Variants in MARF1 observed in about 807,000 individuals in gnomAD.
MARF1 encodes the protein meiosis regulator and mRNA stability factor 1.
Under a neutral mutation model 168.2 loss-of-function variants are expected in MARF1, and 24 were observed. The observed-to-expected ratio is 0.14, with a 90% CI of 0.10 to 0.20. The LOEUF (loss-of-function observed/expected upper bound fraction) is 0.20. MARF1 is among the 10% of genes least tolerant of loss of function. The pLI is 1.00. For synonymous variants in MARF1, 868 were observed against 822.4 expected, an observed-to-expected ratio of 1.06 and a Z score of -0.95; for missense variants, 1,744 against 2,143.6, an observed-to-expected ratio of 0.81 and a Z score of 3.68.
intron 10 of MARF1, 75 bp downstream of exon 10, chr16:15,624,694 T>C: frequency 7.0e-7 from 1 of 1,419,224 alleles, no homozygotes; most frequent in Non-Finnish European, 9.7e-7. Flanking sequence ...TCTGAATTCT[T>C]TTCAACAAAC....
At chr16:15,627,357 C>CTTGCGAG (rs2034938318) in intron 7 of MARF1, among the ~76,000 whole-genome samples, 4 of 150,984 alleles carry the variant, frequency 2.6e-5, no homozygotes, top group Admixed American at 1.3e-4. Flanking sequence ...CGGTGGCTCA[C>CTTGCGAG]GCCTGTAATC....
intron 7 of MARF1, among the ~76,000 whole-genome samples, chr16:15,628,247 ATTTT>A (rs577083661): frequency 1.3e-5 from 2 of 151,296 alleles, no homozygotes; most frequent in Non-Finnish European, 2.9e-5. Context: ...TATGTGACAC[ATTTT>A]TTTTTAAACG....
At position 15,619,060 on chromosome 16, in the gene MARF1, G is replaced by C. The variant is rs947810086; in HGVS notation, c.2720+1391C>G. ...GGAGGCCTAGGAGGGAGAATCACTT[G>C]AAGCCAGGAGTTCAAGACCACCCTG... On this transcript the variant is annotated intron_variant, in intron 13 of 26. Transcript: ENST00000396368. Among the ~76,000 whole-genome samples, 5 of 152,264 alleles carry C rather than the reference G, an allele frequency of 3.3e-5. No individual in the cohort carries two copies. The East Asian group carries it at 9.7e-4, about 29-fold the overall frequency.
At chr16:15,610,932 A>C in intron 19 of MARF1, 43 bp downstream of exon 19, 1 of 1,586,322 alleles carries the variant, frequency 6.3e-7, no homozygotes, top group Non-Finnish European at 8.6e-7. Context: ...TTAAAATAAC[A>C]GGAGATAGAC....
intron 5 of MARF1, among the ~76,000 whole-genome samples, chr16:15,632,716 T>C (rs1439094938): frequency 1.3e-5 from 2 of 152,248 alleles, no homozygotes; most frequent in African/African-American, 4.8e-5. Flanking sequence ...TTGCTGGTTT[T>C]TGTAAAGAAC....
chr16:15,609,468 T>C lies in MARF1; in HGVS notation c.3954+55A>G, dbSNP rs2033325763. On this transcript the variant is annotated intron_variant, in intron 20 of 26. Transcript: ENST00000396368. ...AACAGGTCTGGAACGTGAAAAAGTATTTCCTATACGTTGTTCAGAAAAATA... is the reference window on the plus strand; with the variant it reads ...AACAGGTCTGGAACGTGAAAAAGTACTTCCTATACGTTGTTCAGAAAAATA... 14 of 1,446,654 alleles carry C rather than the reference T, an allele frequency of 9.7e-6. No homozygotes were observed. The Admixed American group carries it at 2.4e-4, about 24-fold the overall frequency. The allele number at this position is 1,446,654 out of a possible 1,614,324, so 89.6% of individuals were successfully genotyped here.
At position 15,617,287 on chromosome 16, in the gene MARF1, C is replaced by T. The variant is rs774951269; in HGVS notation, c.2957+12G>A. 2.5e-5 allele frequency: 40 copies of T among 1,611,800 alleles called. No homozygotes were observed. The highest frequency in any genetic ancestry group is 4.0e-5 in the African/African-American group (3 of 74,838). ...GAAAAGAATTACTTCTAAAGGAAAA[C>T]GAACGGCACACCTGAAATCCTTATT... On this transcript the variant is annotated intron_variant, in intron 14 of 26. Transcript: ENST00000396368.
chr16:15,630,748 C>G (rs1222549088), intron 6 of MARF1, among the ~76,000 whole-genome samples: 1 of 150,998 alleles, frequency 6.6e-6, no homozygotes, highest in Non-Finnish European at 1.5e-5. Flanking sequence ...GTTGGGGAGA[C>G]TCAAATTTGA....
chr16:15,613,229 A>G (rs145082263), intron 16 of MARF1, among the ~76,000 whole-genome samples: 81 of 152,314 alleles, frequency 5.3e-4, no homozygotes, highest in African/African-American at 1.9e-3. Context: ...CCAGAAAACC[A>G]CAGAAAGTGA....
Position 15,623,020 on chromosome 16 carries a change from C to A in MARF1, c.2374G>T (p.Asp792Tyr), listed in dbSNP as rs958435518. The part of the protein sequence containing the change: ...DCPDPFANGA[D>Y]VQVSNIDYRL... ...TAGTCTATGTTGCTGACTTGGACAT[C>A]AGCACCATTTGCAAATGGGTCTGGG... The change falls in exon 11 of 27, where the codon GAT becomes TAT. Residue 792 changes from aspartate to tyrosine, a missense_variant. Coordinates refer to ENST00000396368, the MANE Select transcript of MARF1 (RefSeq NM_014647.4). The A allele has an allele frequency of 6.2e-7, 1 of 1,611,198 alleles. No homozygotes were observed. Among genetic ancestry groups the A allele is most frequent in the Non-Finnish European group, 8.5e-7 (1 of 1,177,550 alleles).
intron 16 of MARF1, among the ~76,000 whole-genome samples, chr16:15,615,573 C>T (rs2033978921): frequency 6.6e-6 from 1 of 152,128 alleles, no homozygotes. Flanking sequence ...TGCAGTGAGC[C>T]GAGATCGCAC....
chr16:15,622,284 T>A (rs2034518729), intron 11 of MARF1, among the ~76,000 whole-genome samples: 1 of 152,186 alleles, frequency 6.6e-6, no homozygotes, highest in African/African-American at 2.4e-5. Context: ...ATGAGTCAAA[T>A]ATAATAAGGC....
rs754087805 is a variant in MARF1, at chr16:15,617,318, A to G, written c.2938T>C (p.Cys980Arg). Residue 980 changes from cysteine to arginine, a missense_variant, in exon 14 of 27, where the codon TGT becomes CGT. This residue lies in a region of MARF1 where 543 missense variants were observed against 742.1 expected (regional missense o/e 0.73). Transcript: ENST00000396368. The part of the protein sequence containing the change: ...EYHEPVCRQH[C>R]SNKDFSEHEF... ...GCACACCTGAAATCCTTATTGGAAC[A>G]ATGCTGTCTGCAGACAGGCTCGTGA... 6.2e-7 allele frequency: 1 copy of G among 1,613,906 alleles called. No individual in the cohort carries two copies. Among genetic ancestry groups the G allele is most frequent in the African/African-American group, 1.3e-5 (1 of 75,042 alleles).
chr16:15,630,687 A>G (rs1399435177), intron 6 of MARF1, among the ~76,000 whole-genome samples, 183 bp from the exon 7 acceptor site: 1 of 152,212 alleles, frequency 6.6e-6, no homozygotes, highest in Non-Finnish European at 1.5e-5. Flanking sequence ...ATCTTACCAA[A>G]AGAATTCCAA....
rs144712647 is a variant in MARF1 at position 15,598,503 on chromosome 16, G to A, written c.4984+351C>T. 1.4e-4 allele frequency among the ~76,000 whole-genome samples: 21 copies of A among 152,236 alleles called. No individual in the cohort carries two copies. In the East Asian group the frequency reaches 3.1e-3, roughly 22 times the overall value. On this transcript the variant is annotated intron_variant, in intron 26 of 26. Transcript: ENST00000396368. ...CCTCTGGACCCCCACCATGGGTGACGTGTACATCTGGTGACAGGTGTGCCT... is the reference window on the plus strand; with the variant it reads ...CCTCTGGACCCCCACCATGGGTGACATGTACATCTGGTGACAGGTGTGCCT...
At chr16:15,626,742 C>T (rs1406237791) in intron 7 of MARF1, among the ~76,000 whole-genome samples, 2 of 151,704 alleles carry the variant, frequency 1.3e-5, no homozygotes, top group African/African-American at 2.4e-5. Flanking sequence ...GGTGGATCAC[C>T]TGAGGTCAAG....
intron 15 of MARF1, 98 bp downstream of exon 15, chr16:15,616,954 G>C (rs2034100109): frequency 7.0e-7 from 1 of 1,433,122 alleles, no homozygotes; most frequent in African/African-American, 1.4e-5. Flanking sequence ...AAGCATTGTA[G>C]AGTACTTATT....
intron 23 of MARF1, chr16:15,601,687 A>C (rs1211605599): frequency 2.1e-6 from 1 of 477,626 alleles, no homozygotes; most frequent in Non-Finnish European, 3.8e-6. Context: ...CAGCGCGCCC[A>C]CTGCCCTGAC....
At chr16:15,621,579 C>T (rs2034463938) in intron 12 of MARF1, 154 bp downstream of exon 12, 1 of 764,004 alleles carries the variant, frequency 1.3e-6, no homozygotes, top group Non-Finnish European at 2.0e-6. Flanking sequence ...AGTCAAATGG[C>T]TTGTTTCTAA....
Sources: gnomAD v4.1 joint callset for allele counts (sites outside exome capture counted in the v4.1 genomes callset) on GRCh38, gnomAD v4.1.1 for gene constraint, gnomAD v4.1.1 regional missense constraint, MANE v1.5 for transcripts, NCBI Gene and HGNC (gene_info 2026-07-23, HGNC 2026-07-21) for gene names.